Variants in TBC1D20 observed in about 807,000 individuals in gnomAD.
The protein encoded by TBC1D20 is TBC1 domain family member 20, also known as chromosome 20 open reading frame 140.
In TBC1D20, 12 loss-of-function variants were observed where a neutral mutation model predicts 41.6. That is an observed-to-expected ratio of 0.29 (90% CI 0.18 to 0.47). TBC1D20 has a LOEUF of 0.47. Ranked by LOEUF, TBC1D20 falls within the 20% of genes least tolerant of loss-of-function variation. The probability of loss-of-function intolerance (pLI) is 1.00; values close to 1 mark genes in which losing one functional copy is unlikely to be tolerated. For missense variants in TBC1D20, 421 were observed against 517.4 expected (o/e 0.81, Z 1.81); for synonymous variants, 205 against 204.8 (o/e 1.00, Z -0.01).
chr20:455,412 G>A (rs2017522536), intron 1 of TBC1D20, among the ~76,000 whole-genome samples: 1 of 152,176 alleles, frequency 6.6e-6, no homozygotes, highest in Non-Finnish European at 1.5e-5. Flanking sequence ...GAAGTCAGGA[G>A]ATCGAGACCA....
chr20:457,116 A>G (rs1019639577), intron 1 of TBC1D20, among the ~76,000 whole-genome samples: 5 of 151,702 alleles, frequency 3.3e-5, no homozygotes, highest in Admixed American at 3.3e-4. Flanking sequence ...TTGTATTTTT[A>G]GTAGAGACAG....
chr20:459,547 T>G (rs900559586), intron 1 of TBC1D20, among the ~76,000 whole-genome samples: 1 of 152,208 alleles, frequency 6.6e-6, no homozygotes, highest in African/African-American at 2.4e-5. Flanking sequence ...AATATAAGAC[T>G]GCTATAAATA....
intron 2 of TBC1D20, 25 bp from the exon 3 acceptor site, chr20:445,155 T>C (rs762122162): frequency 6.4e-7 from 1 of 1,557,592 alleles, no homozygotes; most frequent in African/African-American, 1.4e-5. Flanking sequence ...GGCACGTTAT[T>C]GCAGGAATGC....
At chr20:443,055 G>A (rs930763348) in intron 3 of TBC1D20, among the ~76,000 whole-genome samples, 5 of 152,082 alleles carry the variant, frequency 3.3e-5, no homozygotes, top group Admixed American at 1.3e-4. Context: ...AGCTGAGATC[G>A]TGCCACTGCA....
At chr20:451,291 T>C (rs2017437534) in intron 1 of TBC1D20, among the ~76,000 whole-genome samples, 1 of 152,292 alleles carries the variant, frequency 6.6e-6, no homozygotes, top group Middle Eastern at 3.4e-3. Flanking sequence ...ACGTCTGTAA[T>C]CCCAGCACTT....
intron 1 of TBC1D20, among the ~76,000 whole-genome samples, chr20:461,491 T>C (rs983794857): frequency 1.3e-5 from 2 of 152,098 alleles, no homozygotes; most frequent in East Asian, 1.9e-4. Flanking sequence ...TCCAGAGTCG[T>C]TGGGATCACA....
chr20:444,558 G>GT (rs2017296209), intron 3 of TBC1D20, among the ~76,000 whole-genome samples: 1 of 122,212 alleles, frequency 8.2e-6, no homozygotes, highest in Non-Finnish European at 1.8e-5. Context: ...TTTTTTGTTT[G>GT]TTTGTTTTGT....
At position 435,866 on chromosome 20, in the gene TBC1D20, C is replaced by G. The variant is rs1221334649; in HGVS notation, c.*2720G>C. 6.5e-6 allele frequency: 1 copy of G among 153,672 alleles called. No individual in the cohort carries two copies. The highest frequency in any genetic ancestry group is 1.5e-5 in the Non-Finnish European group (1 of 68,742). The allele number at this position is 153,672 out of a possible 1,614,324, so 9.5% of individuals were successfully genotyped here. On this transcript the variant is annotated 3_prime_UTR_variant, in exon 8 of 8. Transcript: ENST00000354200. ...CCTTCCGGGTATGGGGCAGCACCCT[C>G]TCTGGAATGAGGGTCTTATGAGCTA...
intron 2 of TBC1D20, among the ~76,000 whole-genome samples, chr20:445,539 C>G (rs935766727): frequency 1.4e-5 from 2 of 146,836 alleles, no homozygotes; most frequent in African/African-American, 5.4e-5. Flanking sequence ...CTGAAAAAAA[C>G]CCTAACGCCT....
At chr20:455,721 T>G (rs2017528487) in intron 1 of TBC1D20, among the ~76,000 whole-genome samples, 1 of 148,432 alleles carries the variant, frequency 6.7e-6, no homozygotes, top group South Asian at 2.2e-4. Context: ...TCACCTGAGG[T>G]CAGGCGTTCG....
At chr20:462,077 C>G (rs977832694) in intron 1 of TBC1D20, among the ~76,000 whole-genome samples, 2 of 152,212 alleles carry the variant, frequency 1.3e-5, no homozygotes, top group African/African-American at 2.4e-5. Context: ...GAAGCCGCCG[C>G]CCGCTCTTCT....
chr20:445,530 T>C (rs1425525017), intron 2 of TBC1D20, among the ~76,000 whole-genome samples: 2 of 147,198 alleles, frequency 1.4e-5, no homozygotes, highest in Non-Finnish European at 2.9e-5. Context: ...AACAGACCAC[T>C]GAAAAAAACC....
At chr20:461,977 G>A (rs1028245357) in intron 1 of TBC1D20, among the ~76,000 whole-genome samples, 2 of 152,234 alleles carry the variant, frequency 1.3e-5, no homozygotes, top group African/African-American at 4.8e-5. Flanking sequence ...CCGGGAGCCT[G>A]CGGACGTGGC....
At chr20:449,171 T>C (rs1219813831) in intron 1 of TBC1D20, among the ~76,000 whole-genome samples, 1 of 134,746 alleles carries the variant, frequency 7.4e-6, no homozygotes, top group Admixed American at 7.6e-5. Context: ...TTTTTTTTTT[T>C]GAGAAGGACT....
Position 438,614 on chromosome 20 carries a change from G to A in TBC1D20, c.1184C>T (p.Pro395Leu). 2 of 1,614,148 alleles carry A rather than the reference G, an allele frequency of 1.2e-6. No individual in the cohort carries two copies. Among genetic ancestry groups the A allele is most frequent in the South Asian group, 1.1e-5 (1 of 91,084 alleles). Residue 395 changes from proline (P) to leucine (L), a missense_variant, in exon 8 of 8, where the codon CCT (proline) becomes CTT (leucine). By Grantham distance (98) the Pro-to-Leu change is moderately conservative (BLOSUM62 -3). Transcript: ENST00000354200. ...AVVKSALEWA[P>L]KFQLQLFP ...GGGAAACAGCTGCAGCTGAAACTTAGGGGCCCATTCCAGGGCACTTTTCAC... is the reference window on the plus strand; with the variant it reads ...GGGAAACAGCTGCAGCTGAAACTTAAGGGCCCATTCCAGGGCACTTTTCAC...
At chr20:448,207 A>G in intron 1 of TBC1D20, 133 bp from the exon 2 acceptor site, 1 of 605,874 alleles carries the variant, frequency 1.7e-6, no homozygotes, top group East Asian at 2.8e-5. Flanking sequence ...CTGCTGGCAT[A>G]AAGTCTCACA....
At chr20:438,925 A>G in intron 7 of TBC1D20, 84 bp from the exon 8 acceptor site, 5 of 1,545,580 alleles carry the variant, frequency 3.2e-6, no homozygotes, top group Non-Finnish European at 4.4e-6. Context: ...CTGCGGGCAG[A>G]GCCTTTCATT....
chr20:448,838 G>A (rs1435282931), intron 1 of TBC1D20, among the ~76,000 whole-genome samples: 2 of 146,358 alleles, frequency 1.4e-5, no homozygotes, highest in Admixed American at 6.8e-5. Flanking sequence ...ATAATTACAC[G>A]TACTTTTTTT....
intron 1 of TBC1D20, 80 bp downstream of exon 1, chr20:462,256 C>T: frequency 9.5e-7 from 1 of 1,050,630 alleles, no homozygotes; most frequent in Non-Finnish European, 1.2e-6. Context: ...CGCGCCCCTC[C>T]GGCGCCGCCT....
Sources: gnomAD v4.1 joint callset for allele counts (sites outside exome capture counted in the v4.1 genomes callset) on GRCh38, gnomAD v4.1.1 for gene constraint, MANE v1.5 for transcripts, NCBI Gene and HGNC (gene_info 2026-07-23, HGNC 2026-07-21) for gene names.